The following TENM2 variants were observed in gnomAD, a reference collection of about 807,000 sequenced individuals.
The protein encoded by TENM2 is teneurin transmembrane protein 2, also known as teneurin-2.
In TENM2, 52 loss-of-function variants were observed where a neutral mutation model predicts 245.2. That is an observed-to-expected ratio of 0.21 (90% CI 0.17 to 0.27). TENM2 has a LOEUF of 0.27. Among genes scored for constraint, TENM2 ranks in the 10% least tolerant of loss-of-function variants. TENM2 has a pLI of 1.00. For missense variants in TENM2, 3,046 were observed against 3,666.8 expected (o/e 0.83, Z 4.37); for synonymous variants, 1,363 against 1,438.9 (o/e 0.95, Z 1.19).
chr5:167,502,267 C>T (rs954443307), intron 2 of TENM2, among the ~76,000 whole-genome samples: 2 of 152,138 alleles, frequency 1.3e-5, no homozygotes, highest in African/African-American at 2.4e-5. Context: ...ACTTGAGTGA[C>T]CTATTTCTTC....
chr5:167,702,391 T>A (rs1470946248), intron 2 of TENM2, among the ~76,000 whole-genome samples: 1 of 152,054 alleles, frequency 6.6e-6, no homozygotes, highest in African/African-American at 2.4e-5. Flanking sequence ...GCTCTCTTTA[T>A]TAGCTGAATT....
chr5:167,706,473 A>G (rs948274472), intron 2 of TENM2, among the ~76,000 whole-genome samples: 2 of 150,906 alleles, frequency 1.3e-5, no homozygotes, highest in Non-Finnish European at 3.0e-5. Flanking sequence ...ATCTATATCT[A>G]TATCTATATA....
At chr5:167,385,528 G>GTTATT (rs1761372368) in intron 2 of TENM2, among the ~76,000 whole-genome samples, 1 of 147,188 alleles carries the variant, frequency 6.8e-6, no homozygotes, top group African/African-American at 2.5e-5. Context: ...ACTTCCATAG[G>GTTATT]TTATTGGAGA....
the TENM2 span, among the ~76,000 whole-genome samples, chr5:167,199,113 A>G: frequency 2.7e-4 from 41 of 151,672 alleles, no homozygotes; most frequent in East Asian, 5.2e-3. Flanking sequence ...AAAAAAAAAA[A>G]AAAAAAAGAA....
intron 2 of TENM2, among the ~76,000 whole-genome samples, chr5:167,597,923 A>G (rs1776336390): frequency 6.6e-6 from 1 of 152,206 alleles, no homozygotes; most frequent in African/African-American, 2.4e-5. Flanking sequence ...ACTGCCTGGC[A>G]TATTCTGAGT....
At chr5:167,314,045 T>C (rs1756204178) in intron 1 of TENM2, among the ~76,000 whole-genome samples, 1 of 152,312 alleles carries the variant, frequency 6.6e-6, no homozygotes, top group South Asian at 2.1e-4. Context: ...TGTTTATAAA[T>C]GTTGAATGAC....
At chr5:168,148,925 A>AGATT (rs57259545) in intron 12 of TENM2, among the ~76,000 whole-genome samples, 16,874 of 114,398 alleles carry the variant, frequency 0.15, 1,664 homozygotes, top group Non-Finnish European at 0.18. Context: ...ATAGATTGAT[A>AGATT]GATAGCACAA....
chr5:167,063,014 A>C, the TENM2 span, among the ~76,000 whole-genome samples: 1 of 152,150 alleles, frequency 6.6e-6, no homozygotes, highest in African/African-American at 2.4e-5. Context: ...GATGTTGAGA[A>C]TTTTTGATGT....
At chr5:167,646,749 T>C (rs543789421) in intron 2 of TENM2, among the ~76,000 whole-genome samples, 22 of 152,244 alleles carry the variant, frequency 1.4e-4, no homozygotes, top group Admixed American at 1.2e-3. Flanking sequence ...AGTACAGTTT[T>C]AAAAGTCATA....
At chr5:167,029,908 A>C in the TENM2 span, among the ~76,000 whole-genome samples, 1 of 152,220 alleles carries the variant, frequency 6.6e-6, no homozygotes, top group Non-Finnish European at 1.5e-5. Context: ...CTTGCTTGCA[A>C]ACCACCTGAG....
chr5:167,613,003 A>G (rs936562400), intron 2 of TENM2, among the ~76,000 whole-genome samples: 4 of 152,188 alleles, frequency 2.6e-5, no homozygotes, highest in African/African-American at 9.6e-5. Context: ...CTGTTGGCAG[A>G]TCTCAGCAGG....
At chr5:167,597,992 C>T (rs1776340589) in intron 2 of TENM2, among the ~76,000 whole-genome samples, 1 of 152,286 alleles carries the variant, frequency 6.6e-6, no homozygotes, top group South Asian at 2.1e-4. Flanking sequence ...CAGAATACAA[C>T]ACCATCACAC....
At chr5:167,429,675 C>T (rs562071860) in intron 2 of TENM2, among the ~76,000 whole-genome samples, 4 of 145,888 alleles carry the variant, frequency 2.7e-5, no homozygotes, top group Admixed American at 7.1e-5. Flanking sequence ...GAAGCGACCG[C>T]GGCTCAGTGC....
intron 8 of TENM2, among the ~76,000 whole-genome samples, chr5:168,093,669 G>A (rs1793136239): frequency 6.6e-6 from 1 of 152,200 alleles, no homozygotes. Context: ...GCAGCTTTCT[G>A]GAAGCACGAT....
Position 168,259,315 on chromosome 5 carries a change from C to T in TENM2, c.7433-968C>T, listed in dbSNP as rs375457437. On this transcript the variant is annotated intron_variant, in intron 27 of 28. Transcript: ENST00000518659. Reference sequence around the variant, plus strand: ...AAGAGTAGGAAGGCTGGGCCGGGCACGGTGGCTCATGCCTGTAATCCCAGC... The same window carrying T: ...AAGAGTAGGAAGGCTGGGCCGGGCATGGTGGCTCATGCCTGTAATCCCAGC... Among the ~76,000 whole-genome samples the T allele has an allele frequency of 2.4e-4, 37 of 151,942 alleles. No homozygotes were observed. The South Asian group carries it at 2.9e-3, about 12-fold the overall frequency.
At chr5:167,199,194 G>A in the TENM2 span, among the ~76,000 whole-genome samples, 1 of 151,574 alleles carries the variant, frequency 6.6e-6, no homozygotes, top group South Asian at 2.1e-4. Context: ...TCTGGGCGCT[G>A]CTACTGCTGA....
At chr5:167,640,882 T>TATATAC (rs1779548205) in intron 2 of TENM2, among the ~76,000 whole-genome samples, 1 of 67,528 alleles carries the variant, frequency 1.5e-5, no homozygotes, top group Non-Finnish European at 2.6e-5. Flanking sequence ...TATATATATA[T>TATATAC]ATATATATAT....
chr5:168,019,656 T>A (rs529344964), intron 5 of TENM2, among the ~76,000 whole-genome samples: 1 of 152,332 alleles, frequency 6.6e-6, no homozygotes, highest in South Asian at 2.1e-4. Context: ...GTTCCTATAA[T>A]GTACAATGAA....
intron 3 of TENM2, among the ~76,000 whole-genome samples, chr5:167,950,804 A>G (rs140931887): frequency 1.4e-3 from 216 of 152,322 alleles, no homozygotes; most frequent in African/African-American, 4.8e-3. Context: ...CAGAAAATAT[A>G]ATAGCCTGCT....
Sources: allele counts gnomAD v4.1 joint callset (sites outside exome capture counted in the v4.1 genomes callset), GRCh38; gene constraint gnomAD v4.1.1; transcripts MANE v1.5; gene names NCBI Gene and HGNC (gene_info 2026-07-23, HGNC 2026-07-21).